Variants in LIFR observed in about 807,000 individuals in gnomAD.
The protein encoded by LIFR is LIF receptor subunit alpha, also known as leukemia inhibitory factor receptor.
In LIFR, 84 loss-of-function variants were observed where a neutral mutation model predicts 122.2. The ratio of observed to expected loss-of-function variants is 0.69; its 90% confidence interval spans 0.58 to 0.82. The LOEUF is 0.82. LIFR is among the 40% of genes least tolerant of loss of function. The pLI, the probability that LIFR is intolerant of heterozygous loss-of-function variation, is 0.00. For synonymous variants in LIFR, 422 were observed against 434.7 expected, an observed-to-expected ratio of 0.97 and a Z score of 0.36; for missense variants, 1,294 against 1,311.6, an observed-to-expected ratio of 0.99 and a Z score of 0.21.
Position 38,475,276 on chromosome 5 carries a change from G to C in LIFR, c.*6319C>G, listed in dbSNP as rs1159703556. The C allele has an allele frequency of 5.2e-6, 1 of 193,488 alleles. No homozygotes were observed. Among genetic ancestry groups the C allele is most frequent in the East Asian group, 8.2e-5 (1 of 12,124 alleles). The allele number at this position is 193,488 out of a possible 1,614,324, so 12.0% of individuals were successfully genotyped here. A position where few individuals can be genotyped will look rare whatever the true frequency, so the allele number is the denominator to read the frequency against. On this transcript the variant is annotated 3_prime_UTR_variant, in exon 20 of 20. Coordinates refer to ENST00000453190, the MANE Select transcript of LIFR (RefSeq NM_001127671.2). ...ATGCTTCAGTTATCATCTAAGTGGA[G>C]TTGTTTTATTCCATATTACTCTCAG...
In LIFR at chr5:38,477,702, G is replaced by A. The variant is rs1161549902; in HGVS notation, c.*3893C>T. Reference sequence around the variant, plus strand: ...AGTCAATAGTCTCAGATCCACACAAGCTAGATTTTGGTGTGTATCACCCTT... The same window carrying A: ...AGTCAATAGTCTCAGATCCACACAAACTAGATTTTGGTGTGTATCACCCTT... On this transcript the variant is annotated 3_prime_UTR_variant, in exon 20 of 20. Coordinates refer to ENST00000453190, the MANE Select transcript of LIFR (RefSeq NM_001127671.2). 1 of 217,830 alleles carries A rather than the reference G, an allele frequency of 4.6e-6. No homozygotes were observed. Among genetic ancestry groups the A allele is most frequent in the Non-Finnish European group, 9.2e-6 (1 of 108,122 alleles). 13.5% of individuals were successfully genotyped at this position (217,830 alleles called of 1,614,324 possible).
At chr5:38,538,493 C>T (rs535775086) in intron 1 of LIFR, among the ~76,000 whole-genome samples, 7 of 152,206 alleles carry the variant, frequency 4.6e-5, no homozygotes, top group Non-Finnish European at 8.8e-5. Context: ...TCCTCAAAAA[C>T]TCCAGATGTA....
chr5:38,579,450 A>C (rs990038439), intron 1 of LIFR: 3 of 151,390 alleles, frequency 2.0e-5, no homozygotes, highest in Non-Finnish European at 2.9e-5. Flanking sequence ...TATTTTTGGA[A>C]AAAAAAAAGA....
Position 38,481,078 on chromosome 5 carries a change from A to G in LIFR, c.*517T>C, listed in dbSNP as rs889691332. 28 of 230,216 alleles carry G rather than the reference A, an allele frequency of 1.2e-4. No individual in the cohort carries two copies. The highest frequency in any genetic ancestry group is 6.0e-4 in the African/African-American group (27 of 44,762). 14.3% of individuals were successfully genotyped at this position (230,216 alleles called of 1,614,324 possible). A position where few individuals can be genotyped will look rare whatever the true frequency, so the allele number is the denominator to read the frequency against. ...TTAAAAATTATATTAATTTTTGTGA[A>G]TGCTGTGGATAGAGGAGAATAATCT... On this transcript the variant is annotated 3_prime_UTR_variant, in exon 20 of 20. Transcript: ENST00000453190.
chr5:38,556,139 C>G (rs1188728233), intron 1 of LIFR, among the ~76,000 whole-genome samples, 195 bp downstream of exon 1: 1 of 152,158 alleles, frequency 6.6e-6, no homozygotes, highest in Non-Finnish European at 1.5e-5. Context: ...TCCGCGTCCC[C>G]CAGGACACGA....
rs375366719 is a variant in LIFR, at chr5:38,520,949, T to C, written c.561+2470A>G. ...TTTTGACTTCATACAAATTTTAGGA[T>C]TGTTTTTTCTATTTCTGTGGAAAAT... On this transcript the variant is annotated intron_variant, in intron 5 of 19. Coordinates refer to ENST00000453190, the MANE Select transcript of LIFR (RefSeq NM_001127671.2). Among the ~76,000 whole-genome samples, 65 of 152,360 alleles carry C rather than the reference T, an allele frequency of 4.3e-4. 1 individual carries two copies. The East Asian group carries it at 0.011, about 26-fold the overall frequency.
intron 9 of LIFR, among the ~76,000 whole-genome samples, chr5:38,505,142 C>T (rs1288086591): frequency 6.8e-6 from 1 of 146,540 alleles, no homozygotes; most frequent in Non-Finnish European, 1.5e-5. Context: ...CATACAACAA[C>T]ATGGATGGCT....
intron 1 of LIFR, among the ~76,000 whole-genome samples, chr5:38,592,914 A>G (rs1749975097): frequency 6.6e-6 from 1 of 151,966 alleles, no homozygotes; most frequent in Non-Finnish European, 1.5e-5. Flanking sequence ...AGAATCAAGG[A>G]GAAGGAGCAG....
chr5:38,570,867 C>T (rs772633616), intron 1 of LIFR, among the ~76,000 whole-genome samples: 4 of 152,160 alleles, frequency 2.6e-5, no homozygotes, highest in Non-Finnish European at 4.4e-5. Context: ...AGATTTGGCA[C>T]AATACTTACT....
chr5:38,571,719 G>A (rs1009998140), intron 1 of LIFR, among the ~76,000 whole-genome samples: 1 of 152,066 alleles, frequency 6.6e-6, no homozygotes, highest in African/African-American at 2.4e-5. Context: ...AGCATAAAGT[G>A]AAAAAATATC....
At chr5:38,552,783 A>G (rs1748272748) in intron 1 of LIFR, among the ~76,000 whole-genome samples, 1 of 152,274 alleles carries the variant, frequency 6.6e-6, no homozygotes, top group Non-Finnish European at 1.5e-5. Flanking sequence ...CAAAGGCCAG[A>G]GCCAAGCTGG....
At position 38,475,046 on chromosome 5, in the gene LIFR, A is replaced by AT; in HGVS notation, c.*6548dup. 5.7e-6 allele frequency: 1 copy of AT among 175,662 alleles called. No individual in the cohort carries two copies. The allele number at this position is 175,662 out of a possible 1,614,324, so 10.9% of individuals were successfully genotyped here. On this transcript the variant is annotated 3_prime_UTR_variant, in exon 20 of 20. Transcript: ENST00000453190. ...ATACATGCATGTTTTAAAAACAGAC[A>AT]TAAGTAACATCTTTAGAGTTAACAG...
chr5:38,493,579 T>TA (rs1345965076), intron 14 of LIFR, 27 bp downstream of exon 14: 13 of 1,603,524 alleles, frequency 8.1e-6, no homozygotes, highest in Non-Finnish European at 1.1e-5. Flanking sequence ...TTGTAGAACT[T>TA]AATTGAGAGA....
chr5:38,478,054 A>C lies in LIFR; in HGVS notation c.*3541T>G, dbSNP rs1743806361. On this transcript the variant is annotated 3_prime_UTR_variant, in exon 20 of 20. Transcript: ENST00000453190. Reference sequence around the variant, plus strand: ...AGGAGTATTTTACTTTCAAAATACCATAAAATTGATTTTAAATTCCCTTTG... The same window carrying C: ...AGGAGTATTTTACTTTCAAAATACCCTAAAATTGATTTTAAATTCCCTTTG... 4.8e-6 allele frequency: 1 copy of C among 209,488 alleles called. No homozygotes were observed. The highest frequency in any genetic ancestry group is 2.3e-5 in the African/African-American group (1 of 44,016). 13.0% of individuals were successfully genotyped at this position (209,488 alleles called of 1,614,324 possible).
chr5:38,485,669 T>C (rs1462861907), intron 17 of LIFR, 150 bp downstream of exon 17: 2 of 756,534 alleles, frequency 2.6e-6, no homozygotes, highest in Non-Finnish European at 2.3e-6. Context: ...ATCTTACAGC[T>C]TTTTAACCCT....
intron 11 of LIFR, 66 bp downstream of exon 11, chr5:38,502,571 T>C: frequency 7.3e-7 from 1 of 1,372,986 alleles, no homozygotes; most frequent in East Asian, 2.3e-5. Context: ...CATCTTCTTT[T>C]TAAAGAAGTT....
chr5:38,486,566 G>A (rs1214570191), intron 16 of LIFR, among the ~76,000 whole-genome samples: 2 of 152,096 alleles, frequency 1.3e-5, no homozygotes, highest in African/African-American at 4.8e-5. Context: ...GAATAATGCA[G>A]GATAACAGGT....
chr5:38,515,634 TG>T (rs1051618275), intron 5 of LIFR, among the ~76,000 whole-genome samples: 5 of 125,306 alleles, frequency 4.0e-5, no homozygotes, highest in African/African-American at 1.5e-4. Context: ...AATGAGGCGG[TG>T]GGGGGAGAGG....
intron 1 of LIFR, among the ~76,000 whole-genome samples, chr5:38,555,519 T>C (rs1037240182): frequency 5.3e-5 from 8 of 152,152 alleles, no homozygotes; most frequent in Non-Finnish European, 1.2e-4. Flanking sequence ...AACTTTAAAC[T>C]GAAACTTTTC....
Sources: allele counts gnomAD v4.1 joint callset (sites outside exome capture counted in the v4.1 genomes callset), GRCh38; gene constraint gnomAD v4.1.1; transcripts MANE v1.5; gene names NCBI Gene and HGNC (gene_info 2026-07-23, HGNC 2026-07-21).